SMCHD1: variants seen among roughly 807,000 people sequenced by gnomAD.
SMCHD1 encodes the protein structural maintenance of chromosomes flexible hinge domain-containing protein 1.
Under a neutral mutation model 254.7 loss-of-function variants are expected in SMCHD1, and 78 were observed. That is an observed-to-expected ratio of 0.31 (90% CI 0.26 to 0.37). The LOEUF (loss-of-function observed/expected upper bound fraction) is 0.37. Ranked by LOEUF, SMCHD1 falls within the 10% of genes least tolerant of loss-of-function variation. The probability of loss-of-function intolerance (pLI) is 1.00; values close to 1 mark genes in which losing one functional copy is unlikely to be tolerated. For missense variants in SMCHD1, 1,840 were observed against 2,408.1 expected, an observed-to-expected ratio of 0.76 and a Z score of 4.94; for synonymous variants, 766 against 794.9, an observed-to-expected ratio of 0.96 and a Z score of 0.61.
chr18:2,770,279 G>A (rs2075954448), intron 39 of SMCHD1, among the ~76,000 whole-genome samples, 171 bp downstream of exon 39: 1 of 152,216 alleles, frequency 6.6e-6, no homozygotes, highest in East Asian at 1.9e-4. Flanking sequence ...TTAAGATGAA[G>A]TATTTCTTAT....
chr18:2,748,382 GTATA>G (rs1348771758), intron 30 of SMCHD1, among the ~76,000 whole-genome samples: 899 of 32,206 alleles, frequency 0.028, 64 homozygotes, highest in African/African-American at 0.054. Flanking sequence ...GTGTGTGTGT[GTATA>G]TAAATTTTTT....
intron 17 of SMCHD1, among the ~76,000 whole-genome samples, chr18:2,713,665 C>A (rs1311196414): frequency 6.6e-6 from 1 of 152,142 alleles, no homozygotes; most frequent in Non-Finnish European, 1.5e-5. Context: ...AGCCTGGCAA[C>A]AGAGTGACAC....
intron 4 of SMCHD1, 103 bp downstream of exon 4, chr18:2,673,466 A>T: frequency 1.1e-6 from 1 of 873,534 alleles, no homozygotes; most frequent in South Asian, 2.6e-5. Context: ...AAAAGTAGAA[A>T]TAATTGTCAG....
chr18:2,767,734 C>T lies in SMCHD1; in HGVS notation c.4720-1960C>T, dbSNP rs1420227422. On this transcript the variant is annotated intron_variant, in intron 37 of 47. Coordinates refer to ENST00000320876, the MANE Select transcript of SMCHD1 (RefSeq NM_015295.3). ...CCTCCCGAGTAGCTGGGACTACAGG[C>T]GCGTGCCCACCACACCCAGCTGATT... Among the ~76,000 whole-genome samples, 7 of 151,842 alleles carry T rather than the reference C, an allele frequency of 4.6e-5. No individual in the cohort carries two copies. The South Asian group carries it at 6.3e-4, about 14-fold the overall frequency.
At chr18:2,786,610 T>C (rs1036127729) in intron 45 of SMCHD1, among the ~76,000 whole-genome samples, 7 of 152,090 alleles carry the variant, frequency 4.6e-5, no homozygotes, top group Non-Finnish European at 8.8e-5. Context: ...GACCATCACT[T>C]GAGCCTGGGA....
chr18:2,708,555 A>G (rs2074574635), intron 17 of SMCHD1, among the ~76,000 whole-genome samples: 1 of 151,526 alleles, frequency 6.6e-6, no homozygotes, highest in Non-Finnish European at 1.5e-5. Flanking sequence ...ATCACACAGA[A>G]GCACCACTCT....
At chr18:2,697,788 G>C (rs905519885) in intron 9 of SMCHD1, 43 bp from the exon 10 acceptor site, 1 of 1,332,214 alleles carries the variant, frequency 7.5e-7, no homozygotes, top group Non-Finnish European at 1.1e-6. Context: ...CAAAAGTAAA[G>C]TTACCATAGA....
chr18:2,726,253 A>G (rs796694995), intron 21 of SMCHD1, among the ~76,000 whole-genome samples, 199 bp from the exon 22 acceptor site: 9 of 152,014 alleles, frequency 5.9e-5, no homozygotes, highest in African/African-American at 1.9e-4. Flanking sequence ...TTCACTGTCT[A>G]TAAGGAAGCA....
chr18:2,788,230 A>G (rs1309456923), intron 45 of SMCHD1, among the ~76,000 whole-genome samples: 1 of 152,200 alleles, frequency 6.6e-6, no homozygotes, highest in Non-Finnish European at 1.5e-5. Context: ...GTCTTGCATG[A>G]TTAGTATAAG....
At chr18:2,670,036 A>G (rs2073552989) in intron 3 of SMCHD1, among the ~76,000 whole-genome samples, 4 of 152,186 alleles carry the variant, frequency 2.6e-5, no homozygotes, top group African/African-American at 2.4e-5. Flanking sequence ...TACACTAACT[A>G]GTAGTTACTG....
intron 30 of SMCHD1, 89 bp from the exon 31 acceptor site, chr18:2,749,954 T>C: frequency 8.7e-7 from 1 of 1,153,192 alleles, no homozygotes; most frequent in Non-Finnish European, 1.2e-6. Flanking sequence ...AAAATAGGAA[T>C]AGAGGGAAAG....
At chr18:2,705,543 T>A (rs1276750754) in intron 13 of SMCHD1, 151 bp from the exon 14 acceptor site, 1 of 403,584 alleles carries the variant, frequency 2.5e-6, no homozygotes, top group African/African-American at 2.1e-5. Flanking sequence ...TATTTTAATA[T>A]TAGAATGCTG....
chr18:2,791,680 C>G (rs562876828), intron 45 of SMCHD1, among the ~76,000 whole-genome samples: 69 of 152,266 alleles, frequency 4.5e-4, no homozygotes, highest in African/African-American at 1.6e-3. Context: ...AGCTTACTGC[C>G]TAGAGAGATT....
At chr18:2,780,214 G>A (rs778295368) in intron 44 of SMCHD1, among the ~76,000 whole-genome samples, 2 of 82,706 alleles carry the variant, frequency 2.4e-5, no homozygotes, top group Non-Finnish European at 5.2e-5. Flanking sequence ...ACTCCAGTCC[G>A]GGGTGACAGA....
chr18:2,802,773 A>C lies in SMCHD1; in HGVS notation c.*221A>C. Reference sequence around the variant, plus strand: ...TATGGATTTACTGGAATTATTCCAGACATTATGCCCTTTGGTTGTCACTAC... The same window carrying C: ...TATGGATTTACTGGAATTATTCCAGCCATTATGCCCTTTGGTTGTCACTAC... On this transcript the variant is annotated 3_prime_UTR_variant, in exon 48 of 48. Transcript: ENST00000320876. 1 of 429,186 alleles carries C rather than the reference A, an allele frequency of 2.3e-6. No individual in the cohort carries two copies. The highest frequency in any genetic ancestry group is 4.2e-6 in the Non-Finnish European group (1 of 240,646). 26.6% of individuals were successfully genotyped at this position (429,186 alleles called of 1,614,324 possible).
intron 34 of SMCHD1, among the ~76,000 whole-genome samples, chr18:2,759,935 G>T (rs981023988): frequency 2.0e-5 from 3 of 152,124 alleles, no homozygotes; most frequent in Non-Finnish European, 2.9e-5. Flanking sequence ...ATAGAGAAAG[G>T]TTAAATAATT....
intron 20 of SMCHD1, 137 bp downstream of exon 20, chr18:2,722,800 GT>G: frequency 1.4e-6 from 1 of 702,924 alleles, no homozygotes; most frequent in Non-Finnish European, 2.2e-6. Context: ...TTATATCTGG[GT>G]AATTTAGCTC....
intron 5 of SMCHD1, among the ~76,000 whole-genome samples, chr18:2,684,700 AGTGTGTGTGTGT>A (rs71365193): frequency 2.6e-5 from 3 of 115,608 alleles, no homozygotes; most frequent in Non-Finnish European, 3.7e-5. Flanking sequence ...TTGCAGATTC[AGTGTGTGTGTGT>A]GTGTGTGTGT....
Position 2,728,576 on chromosome 18 carries a change from A to G in SMCHD1, c.2893A>G (p.Lys965Glu). Reference sequence around the variant, plus strand: ...ATCAGACAACATAACAGCACAACCAAAATTGATTGTTCATTGTAAGGTAAG... The same window carrying G: ...ATCAGACAACATAACAGCACAACCAGAATTGATTGTTCATTGTAAGGTAAG... Reference protein sequence around the residue: ...DESDNITAQPKLIVHCKFSGA... With the variant: ...DESDNITAQPELIVHCKFSGA... Residue 965 changes from lysine (K) to glutamate (E), a missense_variant, in exon 23 of 48, where the codon AAA becomes GAA. Lys to Glu is a moderately conservative substitution (Grantham distance 56). Transcript: ENST00000320876. 2.5e-6 allele frequency: 4 copies of G among 1,612,536 alleles called. No homozygotes were observed. The highest frequency in any genetic ancestry group is 3.4e-6 in the Non-Finnish European group (4 of 1,179,284).
Sources: gnomAD v4.1 joint callset for allele counts (sites outside exome capture counted in the v4.1 genomes callset) on GRCh38, gnomAD v4.1.1 for gene constraint, MANE v1.5 for transcripts, NCBI Gene and HGNC (gene_info 2026-07-23, HGNC 2026-07-21) for gene names.